DENND3: variants seen among roughly 807,000 people sequenced by gnomAD.
DENND3 encodes DENN domain containing 3.
Under a neutral mutation model 135.1 loss-of-function variants are expected in DENND3, and 88 were observed. That is an observed-to-expected ratio of 0.65 (90% CI 0.55 to 0.78). The LOEUF is 0.78. Ranked by LOEUF, DENND3 falls within the 30% of genes least tolerant of loss-of-function variation. The pLI is 0.00. For missense variants in DENND3, 1,392 were observed against 1,688.4 expected, an observed-to-expected ratio of 0.82 and a Z score of 3.08; for synonymous variants, 693 against 712.3, an observed-to-expected ratio of 0.97 and a Z score of 0.43.
chr8:141,184,599 G>C (rs1823647987), intron 17 of DENND3: 1 of 152,570 alleles, frequency 6.6e-6, no homozygotes, highest in African/African-American at 2.4e-5. Flanking sequence ...TTAGCAATTA[G>C]AGAAATGCAA....
In DENND3 at chr8:141,154,560, T is replaced by C. The variant is rs1289067720; in HGVS notation, c.1075-1289T>C. Among the ~76,000 whole-genome samples the C allele has an allele frequency of 6.6e-6, 1 of 151,962 alleles. No individual in the cohort carries two copies. The highest frequency in any genetic ancestry group is 1.5e-5 in the Non-Finnish European group (1 of 67,996). ...CAACAACATGTATTGGAATCTTTTTTTTTTCTTTTTTTTTTTTGTGAGATG... is the reference window on the plus strand; with the variant it reads ...CAACAACATGTATTGGAATCTTTTTCTTTTCTTTTTTTTTTTTGTGAGATG... On this transcript the variant is annotated intron_variant, in intron 7 of 22. Transcript: ENST00000519811. This position sits in a 1 kb window ranked among gnomAD's most constrained non-coding sequence, Gnocchi z 4.4.
In DENND3 at chr8:141,190,367, C is replaced by T. The variant is rs756014219; in HGVS notation, c.3329C>T (p.Pro1110Leu). 5 of 1,613,284 alleles carry T rather than the reference C, an allele frequency of 3.1e-6. No homozygotes were observed. The highest frequency in any genetic ancestry group is 1.3e-5 in the African/African-American group (1 of 75,054). ...TLQVTSRFQL[P>L]RGGLTSIRLH... ...CAGGTGACCAGCCGCTTCCAGCTGC[C>T]GCGAGGTGGCCTGACGTCCATCAGA... Residue 1110 changes from proline to leucine, a missense_variant, in exon 20 of 23, where the codon CCG becomes CTG. By Grantham distance (98) the Pro-to-Leu change is moderately conservative (BLOSUM62 -3). Coordinates refer to ENST00000519811, the MANE Select transcript of DENND3 (RefSeq NM_001352890.3).
rs923747815 is a variant in DENND3, at chr8:141,194,606, G to A, written c.*373G>A. ...GTCACAGGTGACCCGTGGCCCTCAC[G>A]TCTCTGGTTTTACCTTTCCTTACTT... On this transcript the variant is annotated 3_prime_UTR_variant, in exon 23 of 23. Transcript: ENST00000519811. 7 of 252,222 alleles carry A rather than the reference G, an allele frequency of 2.8e-5. No homozygotes were observed. The highest frequency in any genetic ancestry group is 1.1e-4 in the African/African-American group (5 of 44,240). The allele number at this position is 252,222 out of a possible 1,614,324, so 15.6% of individuals were successfully genotyped here.
chr8:141,187,042 T>A lies in DENND3; in HGVS notation c.3084+1764T>A, dbSNP rs184109079. ...TGGATTTGCAGATGACGTTCACATT[T>A]AAATTGCATTTTATAGTTTTCAAAA... On this transcript the variant is annotated intron_variant, in intron 18 of 22. Transcript: ENST00000519811. Among the ~76,000 whole-genome samples, 92 of 152,336 alleles carry A rather than the reference T, an allele frequency of 6.0e-4. No homozygotes were observed. The East Asian group carries it at 6.7e-3, about 11-fold the overall frequency.
Position 141,136,627 on chromosome 8 carries a change from G to T in DENND3, c.221G>T (p.Gly74Val). 6.2e-7 allele frequency: 1 copy of T among 1,609,226 alleles called. No homozygotes were observed. Among genetic ancestry groups the T allele is most frequent in the Non-Finnish European group, 8.5e-7 (1 of 1,178,112 alleles). The change falls in exon 2 of 23, where the codon GGC (glycine) becomes GTC (valine). Residue 74 changes from glycine to valine, a missense_variant. Gly to Val is a moderately radical substitution (Grantham distance 109). Coordinates refer to ENST00000519811, the MANE Select transcript of DENND3 (RefSeq NM_001352890.3). Reference sequence around the variant, plus strand: ...AGTCAAATGGCCGGTGCCAACTGCGGCACTCTCGGTAAAACCCGGATGCGC... The same window carrying T: ...AGTCAAATGGCCGGTGCCAACTGCGTCACTCTCGGTAAAACCCGGATGCGC... ...EDSQMAGANC[G>V]TLGKTRMRSL...
intron 1 of DENND3, among the ~76,000 whole-genome samples, chr8:141,133,881 A>G (rs896357439): frequency 1.3e-5 from 2 of 152,200 alleles, no homozygotes; most frequent in African/African-American, 4.8e-5. Flanking sequence ...TGGGGGTGGC[A>G]GGAGGCAGTC....
intron 8 of DENND3, chr8:141,158,048 C>A: frequency 8.4e-7 from 1 of 1,194,988 alleles, no homozygotes; most frequent in South Asian, 1.5e-5. Context: ...GCGTGAGCCA[C>A]CGCGCCCAGT....
intron 20 of DENND3, 114 bp downstream of exon 20, chr8:141,190,531 T>C: frequency 7.2e-7 from 1 of 1,391,004 alleles, no homozygotes; most frequent in African/African-American, 1.5e-5. Context: ...CCAGTCTTTA[T>C]TTTAAACTCG....
intron 1 of DENND3, among the ~76,000 whole-genome samples, chr8:141,135,004 A>T (rs1033820104): frequency 4.6e-5 from 7 of 151,790 alleles, no homozygotes; most frequent in African/African-American, 1.7e-4. Flanking sequence ...AAGCCCGGCT[A>T]ATTTTTTTGT....
At chr8:141,151,419 GAT>G (rs1356670954) in intron 6 of DENND3, among the ~76,000 whole-genome samples, 198 bp from the exon 7 acceptor site, 1 of 152,168 alleles carries the variant, frequency 6.6e-6, no homozygotes. Flanking sequence ...CAATGAGCTG[GAT>G]GTGGAGGCAC....
intron 17 of DENND3, 111 bp downstream of exon 17, chr8:141,180,965 A>AG: frequency 2.4e-6 from 2 of 822,868 alleles, no homozygotes; most frequent in East Asian, 5.5e-5. Flanking sequence ...TCACGGGATA[A>AG]GTGGGGACAA....
chr8:141,175,506 G>C lies in DENND3; in HGVS notation c.2535+47G>C. On this transcript the variant is annotated intron_variant, in intron 14 of 22. Coordinates refer to ENST00000519811, the MANE Select transcript of DENND3 (RefSeq NM_001352890.3). This position sits in a 1 kb window ranked among gnomAD's most constrained non-coding sequence, Gnocchi z 5.4. Reference sequence around the variant, plus strand: ...GGCGCCAGACCCCACCTGTGTTTAGGAGACAGATGGCTGGAGTGGGCCCTG... The same window carrying C: ...GGCGCCAGACCCCACCTGTGTTTAGCAGACAGATGGCTGGAGTGGGCCCTG... 1 of 1,612,976 alleles carries C rather than the reference G, an allele frequency of 6.2e-7. No homozygotes were observed. The highest frequency in any genetic ancestry group is 1.7e-5 in the Admixed American group (1 of 60,022).
intron 17 of DENND3, among the ~76,000 whole-genome samples, chr8:141,183,724 G>GTT (rs1156259816): frequency 2.8e-5 from 4 of 143,508 alleles, no homozygotes; most frequent in African/African-American, 8.3e-5. Context: ...GACACTGTCA[G>GTT]TTTTTTGTTT....
chr8:141,190,526 CTTTAT>C, intron 20 of DENND3, 109 bp downstream of exon 20: 2 of 1,399,510 alleles, frequency 1.4e-6, no homozygotes, highest in Non-Finnish European at 1.9e-6. Flanking sequence ...CCTTTCCAGT[CTTTAT>C]TTTAAACTCG....
At position 141,167,963 on chromosome 8, in the gene DENND3, G is replaced by A; in HGVS notation, c.1754-41G>A. 1.3e-6 allele frequency: 2 copies of A among 1,568,788 alleles called. No individual in the cohort carries two copies. Among genetic ancestry groups the A allele is most frequent in the African/African-American group, 1.4e-5 (1 of 73,948 alleles). On this transcript the variant is annotated intron_variant, in intron 12 of 22. Coordinates refer to ENST00000519811, the MANE Select transcript of DENND3 (RefSeq NM_001352890.3). This position sits in a 1 kb window ranked among gnomAD's most constrained non-coding sequence, Gnocchi z 4.1. ...GACAGGGACACGTGTTCATTTGGAAGGTCTGTGCTAATGGTCTCCTTTTCC... is the reference window on the plus strand; with the variant it reads ...GACAGGGACACGTGTTCATTTGGAAAGTCTGTGCTAATGGTCTCCTTTTCC...
chr8:141,180,879 G>A (rs1823010582), intron 17 of DENND3, 25 bp downstream of exon 17: 12 of 1,588,928 alleles, frequency 7.6e-6, no homozygotes, highest in Non-Finnish European at 9.5e-6. Flanking sequence ...CCCGCGCCTC[G>A]CTGCCAGTTT....
In DENND3 at chr8:141,168,401, C is replaced by T. The variant is rs761424088; in HGVS notation, c.2151C>T (p.His717=). ...ACGAGGCCTCGAAGCTGGACGACCA[C>T]GTGAAGAAGTTCAAGCTGCCCAAGA... ...KPHEASKLDD[H]VKKFKLPKKH... Residue 717 remains histidine (H), a synonymous_variant, in exon 13 of 23, where the codon CAC becomes CAT. Coordinates refer to ENST00000519811, the MANE Select transcript of DENND3 (RefSeq NM_001352890.3). This position sits in a 1 kb window ranked among gnomAD's most constrained non-coding sequence, Gnocchi z 6.2. 11 of 1,613,762 alleles carry T rather than the reference C, an allele frequency of 6.8e-6. No individual in the cohort carries two copies. The highest frequency in any genetic ancestry group is 4.4e-5 in the South Asian group (4 of 91,086).
In DENND3 at chr8:141,168,725, A is replaced by AT. The variant is rs780908795; in HGVS notation, c.2275+206dup. ...GACACCGTGCCCGGCTAATTTTAGTATTTTTTGTAGAGACAGGGTTTCAGT... is the reference window on the plus strand; with the variant it reads ...GACACCGTGCCCGGCTAATTTTAGTATTTTTTTGTAGAGACAGGGTTTCAGT... On this transcript the variant is annotated intron_variant, in intron 13 of 22. Transcript: ENST00000519811. The surrounding 1 kb of genome is among the most constrained non-coding windows in gnomAD (Gnocchi z 6.2). 7.9e-5 allele frequency among the ~76,000 whole-genome samples: 12 copies of AT among 151,756 alleles called. No homozygotes were observed. The highest frequency in any genetic ancestry group is 6.3e-4 in the South Asian group (3 of 4,798).
intron 16 of DENND3, among the ~76,000 whole-genome samples, chr8:141,179,367 T>C (rs1348524615): frequency 6.6e-6 from 1 of 152,262 alleles, no homozygotes; most frequent in Non-Finnish European, 1.5e-5. Context: ...TCCAAACTCA[T>C]GCCTAATCTC....
Sources: allele counts gnomAD v4.1 joint callset (sites outside exome capture counted in the v4.1 genomes callset), GRCh38; gene constraint gnomAD v4.1.1; non-coding constraint Gnocchi (gnomAD v3.1); transcripts MANE v1.5; gene names NCBI Gene and HGNC (gene_info 2026-07-23, HGNC 2026-07-21).